The following SEPTIN9 variants were observed in gnomAD, a reference collection of about 807,000 sequenced individuals.
The protein encoded by SEPTIN9 is septin-9.
In SEPTIN9, 13 loss-of-function variants were observed where a neutral mutation model predicts 56.6. The ratio of observed to expected loss-of-function variants is 0.23; its 90% CI spans 0.15 to 0.37. The LOEUF is 0.37. SEPTIN9 is among the 10% of genes least tolerant of loss of function. The pLI is 1.00. For synonymous variants in SEPTIN9, 332 were observed against 334.1 expected, an observed-to-expected ratio of 0.99 and a Z score of 0.07; for missense variants, 650 against 823.1, an observed-to-expected ratio of 0.79 and a Z score of 2.57.
intron 10 of SEPTIN9, 69 bp from the exon 11 acceptor site, chr17:77,497,246 G>A (rs541586474): frequency 1.4e-6 from 2 of 1,475,764 alleles, no homozygotes; most frequent in Admixed American, 1.8e-5. Context: ...CTGGGCAGGG[G>A]GAGAGAGGTG....
Position 77,497,120 on chromosome 17 carries a change from T to C in SEPTIN9, c.1574-195T>C. The C allele has an allele frequency of 7.6e-6, 5 of 659,428 alleles. No individual in the cohort carries two copies. The Admixed American group carries it at 8.5e-5, about 11-fold the overall frequency. The allele number at this position is 659,428 out of a possible 1,614,324, so 40.8% of individuals were successfully genotyped here. On this transcript the variant is annotated intron_variant, in intron 10 of 11. Transcript: ENST00000427177. ...CAGGAGCTGGTGCTGGTCACTCCAG[T>C]ATCCCCCAGACTGAGGGCAGTGCCA...
At chr17:77,489,175 G>A (rs554072181) in intron 7 of SEPTIN9, among the ~76,000 whole-genome samples, 1 of 152,326 alleles carries the variant, frequency 6.6e-6, no homozygotes, top group East Asian at 1.9e-4. Context: ...GGCTCTGGCA[G>A]GTGGAGTGGG....
At chr17:77,365,654 C>G (rs886086699) in intron 2 of SEPTIN9, among the ~76,000 whole-genome samples, 5 of 152,120 alleles carry the variant, frequency 3.3e-5, no homozygotes, top group Non-Finnish European at 7.4e-5. Flanking sequence ...AGAGGGAGGG[C>G]ATGTTCCTGC....
intron 2 of SEPTIN9, among the ~76,000 whole-genome samples, chr17:77,384,688 C>T (rs577048714): frequency 2.0e-5 from 3 of 152,060 alleles, no homozygotes; most frequent in South Asian, 4.2e-4. Flanking sequence ...AAATGATTCT[C>T]CTGAACAGTC....
chr17:77,376,368 G>A (rs1014415167), intron 2 of SEPTIN9: 87 of 985,546 alleles, frequency 8.8e-5, no homozygotes, highest in Non-Finnish European at 1.0e-4. Flanking sequence ...CTTTCCCGGG[G>A]CGGCTCACCT....
At chr17:77,321,027 C>T (rs1170949291) in intron 2 of SEPTIN9, among the ~76,000 whole-genome samples, 1 of 152,274 alleles carries the variant, frequency 6.6e-6, no homozygotes, top group African/African-American at 2.4e-5. Flanking sequence ...GGCCCTCCCT[C>T]CCAGGCCCAG....
chr17:77,498,843 G>C lies in SEPTIN9; in HGVS notation c.*185G>C, dbSNP rs2040391884. On this transcript the variant is annotated 3_prime_UTR_variant, in exon 12 of 12. Transcript: ENST00000427177. ...CGAGTGAGTCAGTGATGAGGCCGCG[G>C]CCTCCCCGAGGTTGTGGGGAGGCTG... The C allele has an allele frequency of 3.2e-6, 2 of 627,496 alleles. No homozygotes were observed. The highest frequency in any genetic ancestry group is 4.2e-5 in the Admixed American group (2 of 47,232). 38.9% of individuals were successfully genotyped at this position (627,496 alleles called of 1,614,324 possible).
At chr17:77,338,974 G>C (rs2033643475) in intron 2 of SEPTIN9, among the ~76,000 whole-genome samples, 1 of 152,112 alleles carries the variant, frequency 6.6e-6, no homozygotes, top group Non-Finnish European at 1.5e-5. Flanking sequence ...CACTTTGTCT[G>C]CTCATCCATA....
chr17:77,407,387 G>A (rs1191586910), intron 3 of SEPTIN9, among the ~76,000 whole-genome samples: 1 of 151,910 alleles, frequency 6.6e-6, no homozygotes, highest in African/African-American at 2.4e-5. Flanking sequence ...GCCACTGGTG[G>A]TGAGTTGGGA....
At chr17:77,314,061 C>A (rs1227407924) in intron 2 of SEPTIN9, among the ~76,000 whole-genome samples, 1 of 152,006 alleles carries the variant, frequency 6.6e-6, no homozygotes, top group East Asian at 1.9e-4. Context: ...GTTAGCTGGG[C>A]GTGGTGGTAC....
chr17:77,380,851 G>A (rs756704860), intron 2 of SEPTIN9, among the ~76,000 whole-genome samples: 1 of 152,214 alleles, frequency 6.6e-6, no homozygotes, highest in Non-Finnish European at 1.5e-5. Flanking sequence ...TGGGGAGTAG[G>A]CCGTTGTCTC....
chr17:77,299,070 G>A (rs781134405), intron 1 of SEPTIN9, among the ~76,000 whole-genome samples: 8 of 152,208 alleles, frequency 5.3e-5, no homozygotes, highest in Admixed American at 2.0e-4. Context: ...CGGATACTTT[G>A]TAGCTATTAT....
chr17:77,411,493 C>T (rs987910361), intron 3 of SEPTIN9, among the ~76,000 whole-genome samples: 1 of 151,694 alleles, frequency 6.6e-6, no homozygotes, highest in Non-Finnish European at 1.5e-5. Context: ...CTTTCGCCTT[C>T]CGCTTTCAAG....
At chr17:77,414,527 A>G (rs975917699) in intron 3 of SEPTIN9, among the ~76,000 whole-genome samples, 24 of 151,672 alleles carry the variant, frequency 1.6e-4, no homozygotes, top group African/African-American at 5.8e-4. Context: ...TTTAGCTATC[A>G]ATCCTGCCCT....
rs1428446917 is a variant in SEPTIN9, at chr17:77,487,599, C to T, written c.1042+47C>T. On this transcript the variant is annotated intron_variant, in intron 5 of 11. Coordinates refer to ENST00000427177, the MANE Select transcript of SEPTIN9 (RefSeq NM_001113491.2). The surrounding 1 kb of genome is among the most constrained non-coding windows in gnomAD (Gnocchi z 4.3). ...GGGGGTGCAGGACGCCCCTGCCTTC[C>T]TGGAGCACAGGGGTTGGGGGTCAAG... 1 of 1,589,678 alleles carries T rather than the reference C, an allele frequency of 6.3e-7. No homozygotes were observed. The highest frequency in any genetic ancestry group is 8.5e-7 in the Non-Finnish European group (1 of 1,172,440).
chr17:77,464,713 G>A (rs2038634783), intron 3 of SEPTIN9, among the ~76,000 whole-genome samples: 1 of 151,310 alleles, frequency 6.6e-6, no homozygotes, highest in Non-Finnish European at 1.5e-5. Flanking sequence ...CCATTCTCCT[G>A]CCTCAGCCTC....
In SEPTIN9 at chr17:77,437,997, C is replaced by G. The variant is rs530552857; in HGVS notation, c.721+35294C>G. Among the ~76,000 whole-genome samples, 4 of 152,340 alleles carry G rather than the reference C, an allele frequency of 2.6e-5. No individual in the cohort carries two copies. In the South Asian group the frequency reaches 8.3e-4, roughly 32 times the overall value. On this transcript the variant is annotated intron_variant, in intron 3 of 11. Coordinates refer to ENST00000427177, the MANE Select transcript of SEPTIN9 (RefSeq NM_001113491.2). This position sits in a 1 kb window ranked among gnomAD's most constrained non-coding sequence, Gnocchi z 5.3. ...CATCCGGGCCTCTCCGGTGGCCATGCATGGGTGAGCAGCCCACGACACATC... is the reference window on the plus strand; with the variant it reads ...CATCCGGGCCTCTCCGGTGGCCATGGATGGGTGAGCAGCCCACGACACATC...
At chr17:77,479,667 G>A (rs1039361203) in intron 3 of SEPTIN9, among the ~76,000 whole-genome samples, 2 of 152,202 alleles carry the variant, frequency 1.3e-5, no homozygotes, top group African/African-American at 4.8e-5. Flanking sequence ...AGCTGCAGCT[G>A]AGCCGGCCCC....
intron 3 of SEPTIN9, among the ~76,000 whole-genome samples, chr17:77,473,897 C>T (rs1416986622): frequency 6.6e-6 from 1 of 152,208 alleles, no homozygotes; most frequent in Non-Finnish European, 1.5e-5. Context: ...GGATCATCGT[C>T]TACCATTATT....
Sources: gnomAD v4.1 joint callset for allele counts (sites outside exome capture counted in the v4.1 genomes callset) on GRCh38, gnomAD v4.1.1 for gene constraint, Gnocchi (gnomAD v3.1) non-coding constraint, MANE v1.5 for transcripts, NCBI Gene and HGNC (gene_info 2026-07-23, HGNC 2026-07-21) for gene names.